The following CRTC1 variants were observed in gnomAD, a reference collection of about 807,000 sequenced individuals.
The protein encoded by CRTC1 is CREB-regulated transcription coactivator 1.
CRTC1 carries 18 observed loss-of-function variants against 66.1 expected under a neutral mutation model. The ratio of observed to expected loss-of-function variants is 0.27; its 90% CI spans 0.19 to 0.40. The LOEUF is 0.40. CRTC1 is among the 10% of genes least tolerant of loss of function. The pLI is 1.00. For missense variants in CRTC1, 669 were observed against 887.9 expected (o/e 0.75, Z 3.13); for synonymous variants, 416 against 398.8 (o/e 1.04, Z -0.51).
intron 1 of CRTC1, among the ~76,000 whole-genome samples, chr19:18,710,582 CTGTT>C (rs2053367948): frequency 6.6e-6 from 1 of 152,124 alleles, no homozygotes; most frequent in African/African-American, 2.4e-5. Context: ...GCACCCTTGA[CTGTT>C]TATTTTTTAC....
chr19:18,743,492 G>T (rs2054157487), intron 2 of CRTC1, among the ~76,000 whole-genome samples: 2 of 152,250 alleles, frequency 1.3e-5, no homozygotes, highest in Admixed American at 6.5e-5. Context: ...GTAAACAGGA[G>T]ATAAGGCCCA....
At position 18,741,827 on chromosome 19, in the gene CRTC1, C is replaced by T. The variant is rs1343256012; in HGVS notation, c.127-1083C>T. ...TACCTGGGCGAGGTGCTCAGCCGGG[C>T]AGGTGGCCAGTTCCCGGGCTTTACT... On this transcript the variant is annotated intron_variant, in intron 1 of 13. Coordinates refer to ENST00000321949, the MANE Select transcript of CRTC1 (RefSeq NM_015321.3). This position sits in a 1 kb window ranked among gnomAD's most constrained non-coding sequence, Gnocchi z 4.2. 6.6e-6 allele frequency among the ~76,000 whole-genome samples: 1 copy of T among 152,204 alleles called. No homozygotes were observed. The highest frequency in any genetic ancestry group is 2.4e-5 in the African/African-American group (1 of 41,466).
At position 18,781,737 on chromosome 19, in the gene CRTC1, G is replaced by A. The variant is rs1014059613; in HGVS notation, c.*4355G>A. The A allele has an allele frequency of 8.7e-6, 2 of 230,728 alleles. No homozygotes were observed. The highest frequency in any genetic ancestry group is 2.2e-5 in the African/African-American group (1 of 45,154). 14.3% of individuals were successfully genotyped at this position (230,728 alleles called of 1,614,324 possible). On this transcript the variant is annotated 3_prime_UTR_variant, in exon 14 of 14. Transcript: ENST00000321949. ...GGGCTCCTCCTGGGCAGGATGGGGG[G>A]CAGGGGCTGGGCCTTGGGGTGGTGC... is the stretch of plus-strand genomic sequence containing the variant.
rs112782394 is a variant in CRTC1, at chr19:18,754,412, G to C, written c.624+827G>C. Among the ~76,000 whole-genome samples, 857 of 152,232 alleles carry C rather than the reference G, an allele frequency of 5.6e-3. 6 individuals are homozygous for C. Among genetic ancestry groups the C allele is most frequent in the African/African-American group, 0.016 (669 of 41,534 alleles). On this transcript the variant is annotated intron_variant, in intron 6 of 13. Transcript: ENST00000321949. The stretch of plus-strand genomic sequence containing the variant: ...CCTGTACTCTGAGCTACTCAGGAGG[G>C]TGAGGCGGGAGTATCACTTGAGCCC...
intron 1 of CRTC1, among the ~76,000 whole-genome samples, chr19:18,719,210 T>C (rs919547034): frequency 6.6e-6 from 1 of 152,214 alleles, no homozygotes; most frequent in African/African-American, 2.4e-5. Context: ...TGACCCCTCC[T>C]CTGGGCTTGG....
At chr19:18,757,352 C>G (rs1460093786) in intron 6 of CRTC1, among the ~76,000 whole-genome samples, 1 of 152,120 alleles carries the variant, frequency 6.6e-6, no homozygotes, top group Non-Finnish European at 1.5e-5. Context: ...GTGCCCCCAA[C>G]TCACAGGGGA....
intron 1 of CRTC1, among the ~76,000 whole-genome samples, chr19:18,716,838 A>G (rs910179311): frequency 6.6e-6 from 1 of 152,074 alleles, no homozygotes; most frequent in African/African-American, 2.4e-5. Context: ...AGGACAGAAG[A>G]GGCGAGAGGG....
intron 1 of CRTC1, among the ~76,000 whole-genome samples, chr19:18,734,097 C>G (rs1432131710): frequency 1.3e-5 from 2 of 149,846 alleles, no homozygotes; most frequent in African/African-American, 4.9e-5. Context: ...AGTGAGACTC[C>G]GTCTCAAAAA....
intron 1 of CRTC1, among the ~76,000 whole-genome samples, chr19:18,712,024 C>T (rs894989418): frequency 1.3e-5 from 2 of 152,136 alleles, no homozygotes; most frequent in Non-Finnish European, 2.9e-5. Context: ...TCCCAGCAGC[C>T]TCAACATCCA....
chr19:18,729,732 C>T (rs2053843806), intron 1 of CRTC1, among the ~76,000 whole-genome samples: 1 of 152,056 alleles, frequency 6.6e-6, no homozygotes, highest in Non-Finnish European at 1.5e-5. Flanking sequence ...CACAGCAAGA[C>T]CCCATCTTTA....
chr19:18,749,656 C>G (rs1254845472), intron 4 of CRTC1, 125 bp from the exon 5 acceptor site: 19 of 750,932 alleles, frequency 2.5e-5, no homozygotes, highest in Admixed American at 1.1e-4. Flanking sequence ...TGCTCAGGTG[C>G]AGCAGCTCAC....
intron 1 of CRTC1, among the ~76,000 whole-genome samples, chr19:18,730,275 G>C (rs947981416): frequency 3.9e-5 from 6 of 152,024 alleles, no homozygotes; most frequent in African/African-American, 1.4e-4. Flanking sequence ...CCTCACTCAG[G>C]GTCCCTCCTG....
chr19:18,707,135 CCT>C (rs1049511317), intron 1 of CRTC1, among the ~76,000 whole-genome samples: 1 of 152,052 alleles, frequency 6.6e-6, no homozygotes, highest in Non-Finnish European at 1.5e-5. Context: ...TGAAGCTTTT[CCT>C]CTGTTTTCTT....
intron 10 of CRTC1, among the ~76,000 whole-genome samples, chr19:18,769,213 G>T (rs1691256588): frequency 6.6e-6 from 1 of 152,208 alleles, no homozygotes; most frequent in African/African-American, 2.4e-5. Flanking sequence ...CCAAGAGGCG[G>T]CAGCCCGTTG....
At chr19:18,730,869 T>C (rs373533077) in intron 1 of CRTC1, among the ~76,000 whole-genome samples, 24 of 152,214 alleles carry the variant, frequency 1.6e-4, no homozygotes, top group East Asian at 1.4e-3. Flanking sequence ...AGTCGTGGCC[T>C]TAGTTGAGTC....
intron 5 of CRTC1, among the ~76,000 whole-genome samples, chr19:18,751,336 A>G (rs1322649127): frequency 2.6e-5 from 4 of 152,176 alleles, no homozygotes; most frequent in Admixed American, 2.6e-4. Flanking sequence ...AGCCTGGGCA[A>G]CATAGTGAGA....
At chr19:18,743,708 C>T (rs899239626) in intron 2 of CRTC1, among the ~76,000 whole-genome samples, 1 of 152,186 alleles carries the variant, frequency 6.6e-6, no homozygotes, top group Non-Finnish European at 1.5e-5. Context: ...CAGATGGAGC[C>T]GGGGCCCCTC....
At chr19:18,715,264 G>T (rs1012191859) in intron 1 of CRTC1, among the ~76,000 whole-genome samples, 1 of 151,914 alleles carries the variant, frequency 6.6e-6, no homozygotes, top group Non-Finnish European at 1.5e-5. Flanking sequence ...GACTCGCTTT[G>T]CCACCCAGGC....
At position 18,719,890 on chromosome 19, in the gene CRTC1, C is replaced by T. The variant is rs1056504792; in HGVS notation, c.127-23020C>T. The stretch of plus-strand genomic sequence containing the variant: ...TTTCAAGATGGGCACAGGCCCGCTC[C>T]GGGAAGGCCCCAGGCCCGTCCATGT... On this transcript the variant is annotated intron_variant, in intron 1 of 13. Transcript: ENST00000321949. Among the ~76,000 whole-genome samples the T allele has an allele frequency of 3.0e-4, 45 of 152,214 alleles. 1 individual carries two copies. The highest frequency in any genetic ancestry group is 6.5e-5 in the Admixed American group (1 of 15,288).
Sources: gnomAD v4.1 joint callset for allele counts (sites outside exome capture counted in the v4.1 genomes callset) on GRCh38, gnomAD v4.1.1 for gene constraint, Gnocchi (gnomAD v3.1) non-coding constraint, MANE v1.5 for transcripts, NCBI Gene and HGNC (gene_info 2026-07-23, HGNC 2026-07-21) for gene names.